Variants in SRGAP1 observed in about 807,000 individuals in gnomAD.
The protein encoded by SRGAP1 is SLIT-ROBO Rho GTPase-activating protein 1.
A neutral mutation model predicts 121.9 loss-of-function variants in SRGAP1; 43 were observed. The ratio of observed to expected loss-of-function variants is 0.35; its 90% CI spans 0.28 to 0.46. The LOEUF (loss-of-function observed/expected upper bound fraction) is 0.46, where lower values mean the gene tolerates loss of function less well. Ranked by LOEUF, SRGAP1 falls within the 20% of genes least tolerant of loss-of-function variation. The probability of loss-of-function intolerance (pLI) is 1.00; values close to 1 mark genes in which losing one functional copy is unlikely to be tolerated. For synonymous variants in SRGAP1, 447 were observed against 485.4 expected (o/e 0.92, Z 1.04); for missense variants, 1,102 against 1,350.9 (o/e 0.82, Z 2.89).
chr12:63,856,939 A>C (rs1313670790), intron 1 of SRGAP1, among the ~76,000 whole-genome samples: 1 of 152,090 alleles, frequency 6.6e-6, no homozygotes, highest in East Asian at 1.9e-4. Context: ...CCATTTATTT[A>C]GTTGTTTTAA....
chr12:63,958,399 C>T (rs1332893231), intron 1 of SRGAP1, among the ~76,000 whole-genome samples: 1 of 152,162 alleles, frequency 6.6e-6, no homozygotes, highest in East Asian at 1.9e-4. Context: ...ACCCTCCTTA[C>T]CAAAAGGCTG....
At chr12:64,001,033 A>G (rs1379366546) in intron 3 of SRGAP1, among the ~76,000 whole-genome samples, 1 of 152,222 alleles carries the variant, frequency 6.6e-6, no homozygotes, top group Admixed American at 6.5e-5. Context: ...ATGAGTTTTC[A>G]AACAAACTTG....
intron 4 of SRGAP1, among the ~76,000 whole-genome samples, chr12:64,032,021 T>G (rs919397464): frequency 1.3e-5 from 2 of 152,212 alleles, no homozygotes; most frequent in African/African-American, 4.8e-5. Context: ...AAAATCTCAA[T>G]ATGCTATGGT....
At chr12:63,934,528 C>G (rs975486259) in intron 1 of SRGAP1, among the ~76,000 whole-genome samples, 15 of 152,162 alleles carry the variant, frequency 9.9e-5, no homozygotes, top group African/African-American at 3.4e-4. Context: ...TTGCTATATG[C>G]ACAACCCACT....
chr12:64,046,918 A>G (rs74957268), intron 6 of SRGAP1, among the ~76,000 whole-genome samples: 29 of 148,628 alleles, frequency 2.0e-4, no homozygotes, highest in African/African-American at 7.3e-4. Context: ...TTATAGACTG[A>G]AAAAAAAAAC....
chr12:63,965,773 TA>T (rs1324502552), intron 1 of SRGAP1, among the ~76,000 whole-genome samples: 10 of 152,246 alleles, frequency 6.6e-5, no homozygotes, highest in African/African-American at 2.2e-4. Flanking sequence ...TTTTCTACAA[TA>T]AGCATGTTTG....
At chr12:64,087,454 G>A (rs1026509223) in intron 11 of SRGAP1, among the ~76,000 whole-genome samples, 1 of 152,068 alleles carries the variant, frequency 6.6e-6, no homozygotes, top group African/African-American at 2.4e-5. Flanking sequence ...ATTAGAGCTG[G>A]CCGGGTGCAG....
At position 63,998,859 on chromosome 12, in the gene SRGAP1, C is replaced by A. The variant is rs2033792570; in HGVS notation, c.426+8787C>A. Among the ~76,000 whole-genome samples the A allele has an allele frequency of 2.0e-5, 3 of 152,226 alleles. No homozygotes were observed. The South Asian group carries it at 6.2e-4, about 32-fold the overall frequency. On this transcript the variant is annotated intron_variant, in intron 3 of 21. Transcript: ENST00000355086. ...AAATACATGCTATAGTTTATTCATT[C>A]CTTCTTCAATAAGTACTTATTGAAG...
intron 1 of SRGAP1, among the ~76,000 whole-genome samples, chr12:63,880,483 A>G (rs1026515046): frequency 4.6e-5 from 7 of 151,982 alleles, no homozygotes; most frequent in Non-Finnish European, 7.4e-5. Flanking sequence ...CGCCCCTCCC[A>G]TCGGCCTCCG....
intron 8 of SRGAP1, 115 bp from the exon 9 acceptor site, chr12:64,078,804 G>A: frequency 3.0e-6 from 3 of 996,684 alleles, no homozygotes; most frequent in Non-Finnish European, 4.4e-6. Context: ...AATAGACTGT[G>A]AATTTGGCGG....
At chr12:63,989,861 T>G (rs546121443) in intron 2 of SRGAP1, 49 bp from the exon 3 acceptor site, 1 of 1,516,782 alleles carries the variant, frequency 6.6e-7, no homozygotes, top group South Asian at 1.3e-5. Flanking sequence ...CTCATCTGAT[T>G]GGGGCAACTT....
chr12:63,885,658 G>A (rs1384731918), intron 1 of SRGAP1, among the ~76,000 whole-genome samples: 2 of 152,220 alleles, frequency 1.3e-5, no homozygotes, highest in African/African-American at 2.4e-5. Flanking sequence ...AGGAATGAGA[G>A]TTTTTTGACC....
intron 1 of SRGAP1, among the ~76,000 whole-genome samples, chr12:63,907,020 T>C (rs1313128127): frequency 6.6e-6 from 1 of 152,140 alleles, no homozygotes; most frequent in African/African-American, 2.4e-5. Context: ...CGTTTTGTGT[T>C]CCCACAGCAG....
chr12:64,144,642 T>C lies in SRGAP1; in HGVS notation c.*1970T>C, dbSNP rs576048248. ...CTCCAAATTTTCAGAGCCATACTTTTTGCCCATTTTGAAAAAGAAGCCCAG... is the reference window on the plus strand; with the variant it reads ...CTCCAAATTTTCAGAGCCATACTTTCTGCCCATTTTGAAAAAGAAGCCCAG... On this transcript the variant is annotated 3_prime_UTR_variant, in exon 22 of 22. Coordinates refer to ENST00000355086, the MANE Select transcript of SRGAP1 (RefSeq NM_020762.4). 6.6e-6 allele frequency: 1 copy of C among 152,194 alleles called. No homozygotes were observed. Among genetic ancestry groups the C allele is most frequent in the South Asian group, 2.1e-4 (1 of 4,820 alleles). The allele number at this position is 152,194 out of a possible 1,614,324, so 9.4% of individuals were successfully genotyped here. A position where few individuals can be genotyped will look rare whatever the true frequency, so the allele number is the denominator to read the frequency against.
At chr12:64,082,025 AT>A (rs1232526629) in intron 10 of SRGAP1, 155 of 24,354 alleles carry the variant, frequency 6.4e-3, no homozygotes, top group African/African-American at 0.02. Flanking sequence ...TTTTTTTTCA[AT>A]TTTTCACAAA....
At position 64,095,190 on chromosome 12, in the gene SRGAP1, A is replaced by G; in HGVS notation, c.1664A>G (p.Asn555Ser). 6.2e-7 allele frequency: 1 copy of G among 1,613,964 alleles called. No homozygotes were observed. Among genetic ancestry groups the G allele is most frequent in the Non-Finnish European group, 8.5e-7 (1 of 1,179,962 alleles). The change falls in exon 14 of 22, where the codon AAT (asparagine) becomes AGT (serine). Residue 555 changes from asparagine to serine, a missense_variant. Transcript: ENST00000355086. The part of the protein sequence containing the change: ...GSQVEVNDIK[N>S]SFERGENPLA... ...CAGGTGGAAGTCAATGATATTAAAA[A>G]TTCATTTGAGAGAGGTAATTGCACG...
At position 64,130,152 on chromosome 12, in the gene SRGAP1, T is replaced by C. The variant is rs181988956; in HGVS notation, c.2880+1952T>C. Among the ~76,000 whole-genome samples the C allele has an allele frequency of 3.5e-3, 528 of 152,296 alleles. 1 individual carries two copies. Among genetic ancestry groups the C allele is most frequent in the African/African-American group, 0.012 (498 of 41,570 alleles). ...GAAACGCCCTAATGGATCTCCTGTA[T>C]TCCATGCACACTCTTTTTTACCTGC... On this transcript the variant is annotated intron_variant, in intron 21 of 21. Coordinates refer to ENST00000355086, the MANE Select transcript of SRGAP1 (RefSeq NM_020762.4).
At chr12:63,928,749 GC>G (rs1254386634) in intron 1 of SRGAP1, among the ~76,000 whole-genome samples, 1 of 152,056 alleles carries the variant, frequency 6.6e-6, no homozygotes, top group Non-Finnish European at 1.5e-5. Context: ...ATCAGTGGGA[GC>G]CCCGAGCTTG....
intron 3 of SRGAP1, among the ~76,000 whole-genome samples, chr12:63,999,503 G>T (rs187705546): frequency 2.2e-4 from 34 of 152,198 alleles, no homozygotes; most frequent in Non-Finnish European, 4.1e-4. Context: ...AGGTGGATTC[G>T]AGTGGTGTGT....
Sources: allele counts gnomAD v4.1 joint callset (sites outside exome capture counted in the v4.1 genomes callset), GRCh38; gene constraint gnomAD v4.1.1; transcripts MANE v1.5; gene names NCBI Gene and HGNC (gene_info 2026-07-23, HGNC 2026-07-21).